Variants in ATP9A observed in about 807,000 individuals in gnomAD.
ATP9A encodes ATPase phospholipid transporting 9A.
ATP9A carries 52 observed loss-of-function variants against 144.1 expected under a neutral mutation model. The observed-to-expected ratio is 0.36, with a 90% CI of 0.29 to 0.45. The LOEUF (loss-of-function observed/expected upper bound fraction) is 0.45. Ranked by LOEUF, ATP9A falls within the 20% of genes least tolerant of loss-of-function variation. The pLI, the probability that ATP9A is intolerant of heterozygous loss-of-function variation, is 1.00. For missense variants in ATP9A, 947 were observed against 1,392.7 expected (o/e 0.68, Z 5.09); for synonymous variants, 582 against 557.4 (o/e 1.04, Z -0.62).
At chr20:51,709,127 G>C (rs549429829) in intron 4 of ATP9A, among the ~76,000 whole-genome samples, 1 of 152,314 alleles carries the variant, frequency 6.6e-6, no homozygotes, top group South Asian at 2.1e-4. Flanking sequence ...AAGCACTTAA[G>C]TATTTAGGCA....
At chr20:51,658,206 T>C (rs1379939463) in intron 13 of ATP9A, among the ~76,000 whole-genome samples, 4 of 152,162 alleles carry the variant, frequency 2.6e-5, no homozygotes, top group African/African-American at 7.2e-5. Flanking sequence ...ACGCCTGTAA[T>C]ACCAGCACTT....
chr20:51,732,117 C>T (rs938010040), intron 1 of ATP9A, among the ~76,000 whole-genome samples: 5 of 152,132 alleles, frequency 3.3e-5, no homozygotes, highest in Non-Finnish European at 4.4e-5. Flanking sequence ...CACCCTCCCA[C>T]GAGGCAAAGG....
Position 51,622,233 on chromosome 20 carries a change from C to T in ATP9A, c.2017-61G>A, listed in dbSNP as rs146925782. On this transcript the variant is annotated intron_variant, in intron 18 of 27. Coordinates refer to ENST00000338821, the MANE Select transcript of ATP9A (RefSeq NM_006045.3). ...GTTTTTGAGGCCGGCCTGTCATCTG[C>T]AACAGCTGAGTTTCCAACAACATGG... The T allele has an allele frequency of 2.3e-4, 311 of 1,375,104 alleles. 1 individual carries two copies. The African/African-American group carries it at 4.0e-3, about 17-fold the overall frequency. 85.2% of individuals were successfully genotyped at this position (1,375,104 alleles called of 1,614,324 possible). A position where few individuals can be genotyped will look rare whatever the true frequency, so the allele number is the denominator to read the frequency against.
intron 1 of ATP9A, among the ~76,000 whole-genome samples, chr20:51,735,273 G>T (rs1300880575): frequency 6.6e-6 from 1 of 152,208 alleles, no homozygotes; most frequent in African/African-American, 2.4e-5. Context: ...GGGCTAAAAG[G>T]TGTGTGTAGG....
chr20:51,761,091 C>T (rs1249315121), intron 1 of ATP9A, among the ~76,000 whole-genome samples: 1 of 152,158 alleles, frequency 6.6e-6, no homozygotes, highest in Admixed American at 6.6e-5. Context: ...ACCTCCATCA[C>T]ATCAAAGAGA....
At chr20:51,725,012 T>A (rs954083796) in intron 3 of ATP9A, among the ~76,000 whole-genome samples, 4 of 152,188 alleles carry the variant, frequency 2.6e-5, no homozygotes, top group African/African-American at 7.2e-5. Flanking sequence ...GTTAAGCATC[T>A]CAAATCCAAA....
chr20:51,653,773 CAAAA>C (rs796645472), intron 14 of ATP9A, among the ~76,000 whole-genome samples: 1 of 143,008 alleles, frequency 7.0e-6, no homozygotes, highest in Non-Finnish European at 1.5e-5. Flanking sequence ...GGCGACAGAG[CAAAA>C]AAAAAAGGCC....
In ATP9A at chr20:51,601,096, T is replaced by A; in HGVS notation, c.*115A>T. On this transcript the variant is annotated 3_prime_UTR_variant, in exon 28 of 28. Transcript: ENST00000338821. ...GCGCAGAGCCACTTCCCATTAAAAC[T>A]GCATGTGTTAGCAATTACTGCAAAA... 7.6e-7 allele frequency: 1 copy of A among 1,312,180 alleles called. No homozygotes were observed. Among genetic ancestry groups the A allele is most frequent in the Non-Finnish European group, 1.0e-6 (1 of 970,500 alleles). 81.3% of individuals were successfully genotyped at this position (1,312,180 alleles called of 1,614,324 possible).
chr20:51,748,031 T>G (rs1010549499), intron 1 of ATP9A, among the ~76,000 whole-genome samples: 4 of 152,136 alleles, frequency 2.6e-5, no homozygotes, highest in African/African-American at 9.7e-5. Flanking sequence ...CAAACCCAAC[T>G]CTGTGCTCTT....
intron 1 of ATP9A, among the ~76,000 whole-genome samples, chr20:51,748,207 G>A (rs1479954099): frequency 6.6e-6 from 1 of 152,194 alleles, no homozygotes; most frequent in Non-Finnish European, 1.5e-5. Context: ...CACTTTGAAA[G>A]GCTGAGGCAG....
chr20:51,765,168 C>T lies in ATP9A; in HGVS notation c.68+3134G>A, dbSNP rs118112362. Among the ~76,000 whole-genome samples, 275 of 152,272 alleles carry T rather than the reference C, an allele frequency of 1.8e-3. 5 individuals are homozygous for T. In the East Asian group the frequency reaches 0.049, roughly 27 times the overall value. Reference sequence around the variant, plus strand: ...AACCACCCACCCACTTTAGCCCTCACGCTGCCATCCCCCAGCCCCTAGTTC... The same window carrying T: ...AACCACCCACCCACTTTAGCCCTCATGCTGCCATCCCCCAGCCCCTAGTTC... On this transcript the variant is annotated intron_variant, in intron 1 of 27. Coordinates refer to ENST00000338821, the MANE Select transcript of ATP9A (RefSeq NM_006045.3).
chr20:51,730,476 G>A (rs8118754), intron 1 of ATP9A, among the ~76,000 whole-genome samples: 10,243 of 152,094 alleles, frequency 0.067, 775 homozygotes, highest in African/African-American at 0.19. Context: ...CAAAAAATAA[G>A]TAAATAAATA....
At chr20:51,745,586 C>T (rs1422636688) in intron 1 of ATP9A, among the ~76,000 whole-genome samples, 12 of 152,120 alleles carry the variant, frequency 7.9e-5, no homozygotes, top group Non-Finnish European at 1.5e-4. Context: ...ACTACTGGCA[C>T]GTAGTGGGTA....
rs948170944 is a variant in ATP9A at position 51,674,924 on chromosome 20, T to C, written c.877-611A>G. Among the ~76,000 whole-genome samples, 16 of 152,296 alleles carry C rather than the reference T, an allele frequency of 1.1e-4. 3 individuals carry two copies. The South Asian group carries it at 1.4e-3, about 14-fold the overall frequency. Reference sequence around the variant, plus strand: ...ACCTCCTGGGTTCAAGCGATTCTCCTACCTCAGCCTCCCGATAAGCTGGGA... The same window carrying C: ...ACCTCCTGGGTTCAAGCGATTCTCCCACCTCAGCCTCCCGATAAGCTGGGA... On this transcript the variant is annotated intron_variant, in intron 10 of 27. Transcript: ENST00000338821.
chr20:51,756,810 G>T lies in ATP9A; in HGVS notation c.68+11492C>A, dbSNP rs138540623. 5.5e-3 allele frequency among the ~76,000 whole-genome samples: 830 copies of T among 152,254 alleles called. 2 individuals carry two copies. The highest frequency in any genetic ancestry group is 6.9e-3 in the Non-Finnish European group (472 of 68,026). On this transcript the variant is annotated intron_variant, in intron 1 of 27. Coordinates refer to ENST00000338821, the MANE Select transcript of ATP9A (RefSeq NM_006045.3). ...TTCCCAAATGTTCTAACAGCACAAG[G>T]CTTCCTTAATTACTAAATCAGAAAG...
chr20:51,619,069 G>A (rs2077215583), intron 19 of ATP9A, 26 bp from the exon 20 acceptor site: 2 of 1,590,502 alleles, frequency 1.3e-6, no homozygotes, highest in African/African-American at 1.3e-5. Context: ...GATGGGGAAG[G>A]AGGCATTGCT....
chr20:51,600,849 C>A lies in ATP9A; in HGVS notation c.*362G>T, dbSNP rs1367278198. The A allele has an allele frequency of 5.6e-6, 1 of 180,038 alleles. No individual in the cohort carries two copies. The allele number at this position is 180,038 out of a possible 1,614,324, so 11.2% of individuals were successfully genotyped here. A position where few individuals can be genotyped will look rare whatever the true frequency, so the allele number is the denominator to read the frequency against. On this transcript the variant is annotated 3_prime_UTR_variant, in exon 28 of 28. Transcript: ENST00000338821. ...ACACACACACACACACACACACAAG[C>A]CTTCTACAACCTTCAGCTACACAGA...
intron 14 of ATP9A, among the ~76,000 whole-genome samples, chr20:51,642,449 G>A (rs1460893739): frequency 3.3e-5 from 5 of 151,944 alleles, no homozygotes; most frequent in South Asian, 2.1e-4. Context: ...ATGGGCCACC[G>A]CACCGGCCAG....
At chr20:51,765,274 T>C (rs983879356) in intron 1 of ATP9A, among the ~76,000 whole-genome samples, 1 of 152,170 alleles carries the variant, frequency 6.6e-6, no homozygotes, top group African/African-American at 2.4e-5. Flanking sequence ...TTGCTACTCC[T>C]GAAAATGCAG....
Sources: allele counts gnomAD v4.1 joint callset (sites outside exome capture counted in the v4.1 genomes callset), GRCh38; gene constraint gnomAD v4.1.1; transcripts MANE v1.5; gene names NCBI Gene and HGNC (gene_info 2026-07-23, HGNC 2026-07-21).